Variants in LDLRAD4 observed in about 807,000 individuals in gnomAD.
LDLRAD4 encodes low-density lipoprotein receptor class A domain-containing protein 4.
LDLRAD4 carries 5 observed loss-of-function variants against 17.0 expected under a neutral mutation model. The ratio of observed to expected loss-of-function variants is 0.29; its 90% CI spans 0.15 to 0.62. LDLRAD4 has a LOEUF of 0.62. Among genes scored for constraint, LDLRAD4 ranks in the 20% least tolerant of loss-of-function variants. The probability of loss-of-function intolerance (pLI) is 0.84; values close to 1 mark genes in which losing one functional copy is unlikely to be tolerated. For synonymous variants in LDLRAD4, 168 were observed against 171.8 expected (o/e 0.98, Z 0.17); for missense variants, 340 against 424.7 (o/e 0.80, Z 1.75).
intron 1 of LDLRAD4, among the ~76,000 whole-genome samples, chr18:13,249,807 T>C (rs2043144260): frequency 6.6e-6 from 1 of 152,242 alleles, no homozygotes; most frequent in African/African-American, 2.4e-5. Flanking sequence ...GGAGTCTTAC[T>C]TATAAATTTT....
chr18:13,491,177 C>G (rs965805715), intron 3 of LDLRAD4: 1 of 151,888 alleles, frequency 6.6e-6, no homozygotes, highest in Non-Finnish European at 1.5e-5. Context: ...CTGAGGTGCA[C>G]TGTATTTCTG....
At chr18:13,360,196 T>C (rs754377467) in intron 1 of LDLRAD4, among the ~76,000 whole-genome samples, 9 of 152,196 alleles carry the variant, frequency 5.9e-5, no homozygotes, top group Non-Finnish European at 1.0e-4. Flanking sequence ...TTCCTGCAGG[T>C]CATTTCCTCT....
intron 2 of LDLRAD4, among the ~76,000 whole-genome samples, chr18:13,390,957 T>C (rs949779918): frequency 6.6e-6 from 1 of 152,152 alleles, no homozygotes; most frequent in African/African-American, 2.4e-5. Flanking sequence ...GTCCCTGTGA[T>C]GTAGGATGCA....
chr18:13,584,924 C>T (rs2094914564), intron 3 of LDLRAD4, among the ~76,000 whole-genome samples: 1 of 152,214 alleles, frequency 6.6e-6, no homozygotes, highest in Non-Finnish European at 1.5e-5. Flanking sequence ...AGCTTTGCTG[C>T]CCACGTAGGC....
chr18:13,308,702 T>C (rs1382321407), intron 1 of LDLRAD4, among the ~76,000 whole-genome samples: 4 of 152,258 alleles, frequency 2.6e-5, no homozygotes, highest in African/African-American at 4.8e-5. Context: ...GTGTTTGTGG[T>C]TGTTGAACTT....
At chr18:13,474,132 C>A (rs906553336) in intron 3 of LDLRAD4, among the ~76,000 whole-genome samples, 1 of 152,116 alleles carries the variant, frequency 6.6e-6, no homozygotes, top group Non-Finnish European at 1.5e-5. Context: ...TTGCCTTCGC[C>A]ATGATTGGAA....
chr18:13,577,409 T>C (rs2094790590), intron 3 of LDLRAD4, among the ~76,000 whole-genome samples: 1 of 152,146 alleles, frequency 6.6e-6, no homozygotes, highest in South Asian at 2.1e-4. Context: ...TGCTGGCTGC[T>C]GGGGAACATG....
intron 4 of LDLRAD4, chr18:13,642,365 C>A: frequency 9.8e-7 from 1 of 1,021,702 alleles, no homozygotes; most frequent in East Asian, 8.8e-5. Context: ...CTGCTGACAG[C>A]CACACTCTGG....
At chr18:13,590,131 A>C (rs1020339401) in intron 3 of LDLRAD4, among the ~76,000 whole-genome samples, 22 of 148,874 alleles carry the variant, frequency 1.5e-4, no homozygotes, top group African/African-American at 5.6e-4. Flanking sequence ...GTGGGTGTGC[A>C]TGTGTGGGTG....
intron 1 of LDLRAD4, among the ~76,000 whole-genome samples, chr18:13,329,356 G>A (rs1169764103): frequency 1.3e-5 from 2 of 151,978 alleles, no homozygotes; most frequent in Non-Finnish European, 2.9e-5. Flanking sequence ...CAGCCTACTA[G>A]GAAAAAAAGT....
upstream of LDLRAD4, among the ~76,000 whole-genome samples, chr18:13,274,978 A>G (rs1431029662): frequency 6.6e-6 from 1 of 151,904 alleles, no homozygotes; most frequent in African/African-American, 2.4e-5. Flanking sequence ...GCAGTGAGCT[A>G]TGATTGTGCC....
chr18:13,426,961 G>A (rs993541784), intron 2 of LDLRAD4, among the ~76,000 whole-genome samples: 10 of 152,122 alleles, frequency 6.6e-5, no homozygotes, highest in Non-Finnish European at 1.3e-4. Flanking sequence ...TGAGGCGGGC[G>A]GATCACGAAG....
At chr18:13,528,118 C>T (rs9946545) in intron 3 of LDLRAD4, among the ~76,000 whole-genome samples, 35 of 152,286 alleles carry the variant, frequency 2.3e-4, no homozygotes, top group African/African-American at 8.2e-4. Context: ...GACAACCTAC[C>T]TGGGCTTTCC....
At chr18:13,481,631 T>C (rs1239320578) in intron 3 of LDLRAD4, among the ~76,000 whole-genome samples, 2 of 152,054 alleles carry the variant, frequency 1.3e-5, no homozygotes, top group Non-Finnish European at 2.9e-5. Flanking sequence ...GGGGCAGCAG[T>C]GTTCTCTCGC....
chr18:13,504,784 G>A (rs1838768436), intron 3 of LDLRAD4, among the ~76,000 whole-genome samples: 1 of 152,188 alleles, frequency 6.6e-6, no homozygotes. Flanking sequence ...CATGGGTGTG[G>A]CTTATACTGC....
intron 2 of LDLRAD4, among the ~76,000 whole-genome samples, chr18:13,428,615 G>T (rs1454150750): frequency 6.6e-6 from 1 of 152,168 alleles, no homozygotes; most frequent in African/African-American, 2.4e-5. Flanking sequence ...GGAGCTAGGA[G>T]ATCACCATGG....
Position 13,629,980 on chromosome 18 carries a change from G to A in LDLRAD4, c.336+8709G>A, listed in dbSNP as rs555421709. Among the ~76,000 whole-genome samples, 11 of 152,270 alleles carry A rather than the reference G, an allele frequency of 7.2e-5. No individual in the cohort carries two copies. The South Asian group carries it at 2.3e-3, about 32-fold the overall frequency. The stretch of plus-strand genomic sequence containing the variant: ...GACGAGGCAACTGGTGCTGAAATCA[G>A]GATGATGCCTGCCTGGATCTTGTGT... On this transcript the variant is annotated intron_variant, in intron 4 of 5. Coordinates refer to ENST00000359446, the Ensembl canonical transcript of LDLRAD4.
chr18:13,638,189 T>C (rs982335711), intron 4 of LDLRAD4, among the ~76,000 whole-genome samples: 1 of 151,842 alleles, frequency 6.6e-6, no homozygotes, highest in Admixed American at 6.6e-5. Context: ...GAGGATGTGT[T>C]TGAGGCCAGG....
intron 3 of LDLRAD4, among the ~76,000 whole-genome samples, chr18:13,511,515 ATAAAT>A (rs1383502420): frequency 2.0e-5 from 3 of 152,216 alleles, no homozygotes; most frequent in Non-Finnish European, 4.4e-5. Context: ...CCGTCTCAAA[ATAAAT>A]AAATAGTCAC....
Sources: gnomAD v4.1 joint callset for allele counts (sites outside exome capture counted in the v4.1 genomes callset) on GRCh38, gnomAD v4.1.1 for gene constraint, MANE v1.5 for transcripts, NCBI Gene and HGNC (gene_info 2026-07-23, HGNC 2026-07-21) for gene names.